FBXO34: variants seen among roughly 807,000 people sequenced by gnomAD.
FBXO34 encodes F-box only protein 34.
In FBXO34, 12 loss-of-function variants were observed where a neutral mutation model predicts 24.5. The observed-to-expected ratio is 0.49, with a 90% CI of 0.31 to 0.79. The LOEUF (loss-of-function observed/expected upper bound fraction) is 0.79. FBXO34 is among the 30% of genes least tolerant of loss of function. The probability of loss-of-function intolerance (pLI) is 0.04; values close to 1 mark genes in which losing one functional copy is unlikely to be tolerated. For missense variants in FBXO34, 823 were observed against 857.7 expected (o/e 0.96, Z 0.51); for synonymous variants, 320 against 311.9 (o/e 1.03, Z -0.27).
At chr14:55,389,699 G>A in the FBXO34 span, among the ~76,000 whole-genome samples, 1 of 152,192 alleles carries the variant, frequency 6.6e-6, no homozygotes, top group African/African-American at 2.4e-5. Flanking sequence ...AAGTAAATCT[G>A]ATTTTCAATG....
At chr14:55,436,910 C>T in the FBXO34 span, 1 of 1,614,214 alleles carries the variant, frequency 6.2e-7, no homozygotes, top group East Asian at 2.2e-5. Context: ...GTTTCTTTGA[C>T]TTCAGGGTTC....
chr14:55,376,825 G>C, the FBXO34 span, among the ~76,000 whole-genome samples: 1 of 152,072 alleles, frequency 6.6e-6, no homozygotes, highest in Non-Finnish European at 1.5e-5. Context: ...TAAGAGCAAG[G>C]AAAAAAGGGC....
In FBXO34 at chr14:55,338,503, G is replaced by A. The variant is rs184851655; in HGVS notation, c.-10-11878G>A. Among the ~76,000 whole-genome samples the A allele has an allele frequency of 4.6e-5, 7 of 152,254 alleles. No individual in the cohort carries two copies. The East Asian group carries it at 1.4e-3, about 29-fold the overall frequency. On this transcript the variant is annotated intron_variant, in intron 1 of 1. Coordinates refer to ENST00000313833, the MANE Select transcript of FBXO34 (RefSeq NM_017943.4). ...AGCTTAAAACAGTACCTGGCACATA[G>A]TAAACATTGTAGAGGTATTAGAGCT...
At chr14:55,438,969 ACT>A in the FBXO34 span, 1 of 139,180 alleles carries the variant, frequency 7.2e-6, no homozygotes, top group Non-Finnish European at 1.5e-5. Context: ...ACGGAGTCTC[ACT>A]CTGTCGCCCA....
At chr14:55,290,807 A>G (rs963401437) in intron 1 of FBXO34, among the ~76,000 whole-genome samples, 14 of 152,192 alleles carry the variant, frequency 9.2e-5, no homozygotes, top group Non-Finnish European at 1.6e-4. Flanking sequence ...TGCAGTGAAT[A>G]ACCTTATTCA....
At chr14:55,380,875 A>ATATATATATATTTTTTT in the FBXO34 span, among the ~76,000 whole-genome samples, 7 of 112,730 alleles carry the variant, frequency 6.2e-5, no homozygotes, top group Non-Finnish European at 1.2e-4. Context: ...ATATATATAT[A>ATATATATATATTTTTTT]TTTTTTTTTT....
chr14:55,371,679 C>T (rs1318437085), downstream of FBXO34, among the ~76,000 whole-genome samples: 2 of 152,162 alleles, frequency 1.3e-5, no homozygotes, highest in Non-Finnish European at 2.9e-5. Flanking sequence ...TGGCGGGCAC[C>T]TGTAGTCCCG....
At chr14:55,411,870 G>T in the FBXO34 span, 2 of 1,511,996 alleles carry the variant, frequency 1.3e-6, no homozygotes, top group African/African-American at 2.8e-5. Flanking sequence ...TTTTCAACCG[G>T]GTGCATTCTG....
chr14:55,366,898 A>G (rs1884691932), downstream of FBXO34: 1 of 152,686 alleles, frequency 6.5e-6, no homozygotes, highest in African/African-American at 2.4e-5. Flanking sequence ...GTTGAAATGT[A>G]TACTTAAGAG....
At chr14:55,398,243 G>A in the FBXO34 span, among the ~76,000 whole-genome samples, 127 of 152,148 alleles carry the variant, frequency 8.3e-4, no homozygotes, top group African/African-American at 2.7e-3. Context: ...GAGCCACCGC[G>A]CCCAGCATAG....
In FBXO34 at chr14:55,333,402, T is replaced by G. The variant is rs564167513; in HGVS notation, c.-10-16979T>G. Among the ~76,000 whole-genome samples, 6 of 152,306 alleles carry G rather than the reference T, an allele frequency of 3.9e-5. No individual in the cohort carries two copies. In the South Asian group the frequency reaches 1.2e-3, roughly 32 times the overall value. On this transcript the variant is annotated intron_variant, in intron 1 of 1. Transcript: ENST00000313833. ...TCTGATCTTGGGTATCAGATTCTCC[T>G]TTGTGGTTTGGTTTGTTAATAATTG...
chr14:55,316,344 T>G (rs1261921734), intron 1 of FBXO34, among the ~76,000 whole-genome samples: 1 of 151,834 alleles, frequency 6.6e-6, no homozygotes, highest in Non-Finnish European at 1.5e-5. Context: ...CCCAGCACTT[T>G]GGGAGGCCAA....
chr14:55,336,730 T>G (rs1883788247), intron 1 of FBXO34, among the ~76,000 whole-genome samples: 1 of 151,834 alleles, frequency 6.6e-6, no homozygotes, highest in Non-Finnish European at 1.5e-5. Context: ...ATCCCAGACA[T>G]TATATCATTT....
the FBXO34 span, chr14:55,391,058 G>T: frequency 1.9e-6 from 2 of 1,031,664 alleles, no homozygotes; most frequent in African/African-American, 1.6e-5. Context: ...TTATCTACCT[G>T]GGATCACTGC....
At chr14:55,346,086 A>T (rs1214555624) in intron 1 of FBXO34, among the ~76,000 whole-genome samples, 6 of 152,194 alleles carry the variant, frequency 3.9e-5, no homozygotes, top group African/African-American at 1.4e-4. Context: ...AAAAAATCTG[A>T]TGCTACATGT....
At chr14:55,325,391 A>G (rs1037116485) in intron 1 of FBXO34, among the ~76,000 whole-genome samples, 1 of 152,154 alleles carries the variant, frequency 6.6e-6, no homozygotes, top group Non-Finnish European at 1.5e-5. Context: ...CTAAGTTGTG[A>G]TGGTGTAGAG....
intron 1 of FBXO34, among the ~76,000 whole-genome samples, chr14:55,290,977 G>A (rs1652531974): frequency 6.6e-6 from 1 of 151,846 alleles, no homozygotes; most frequent in Admixed American, 6.6e-5. Context: ...CTGCCACCAT[G>A]CCCACCTAGT....
At chr14:55,393,665 C>T in the FBXO34 span, among the ~76,000 whole-genome samples, 1 of 151,916 alleles carries the variant, frequency 6.6e-6, no homozygotes, top group African/African-American at 2.4e-5. Context: ...CCACCTCAAC[C>T]TCCCAAGTAG....
the FBXO34 span, among the ~76,000 whole-genome samples, chr14:55,393,679 G>A: frequency 6.6e-6 from 1 of 151,766 alleles, no homozygotes; most frequent in South Asian, 2.1e-4. Flanking sequence ...CAAGTAGCTG[G>A]GACTACAGGT....
Sources: allele counts gnomAD v4.1 joint callset (sites outside exome capture counted in the v4.1 genomes callset), GRCh38; gene constraint gnomAD v4.1.1; transcripts MANE v1.5; gene names NCBI Gene and HGNC (gene_info 2026-07-23, HGNC 2026-07-21).